The following PCDH15 variants were observed in gnomAD, a reference collection of about 807,000 sequenced individuals.
PCDH15 encodes protocadherin related 15.
PCDH15 carries 129 observed loss-of-function variants against 178.5 expected under a neutral mutation model. That is an observed-to-expected ratio of 0.72 (90% CI 0.63 to 0.84). The LOEUF (loss-of-function observed/expected upper bound fraction) is 0.84. PCDH15 is among the 40% of genes least tolerant of loss of function. The probability of loss-of-function intolerance (pLI) is 0.00; values close to 1 mark genes in which losing one functional copy is unlikely to be tolerated. For synonymous variants in PCDH15, 800 were observed against 732.0 expected (o/e 1.09, Z -1.50); for missense variants, 2,230 against 2,099.9 (o/e 1.06, Z -1.21).
chr10:54,786,862 C>T (rs1262923391), intron 1 of PCDH15, among the ~76,000 whole-genome samples: 5 of 151,040 alleles, frequency 3.3e-5, no homozygotes, highest in Non-Finnish European at 7.4e-5. Context: ...TATGGCAGGT[C>T]TTCATATTAT....
chr10:54,990,492 T>C (rs1158698787), intron 2 of PCDH15, among the ~76,000 whole-genome samples: 1 of 152,222 alleles, frequency 6.6e-6, no homozygotes, highest in East Asian at 1.9e-4. Flanking sequence ...TCTAGCTATT[T>C]TTCTCTATTT....
intron 1 of PCDH15, among the ~76,000 whole-genome samples, chr10:54,757,750 G>C (rs11004553): frequency 0.14 from 21,690 of 152,158 alleles, 1,671 homozygotes; most frequent in Middle Eastern, 0.21. Context: ...CAGAGAGAGA[G>C]AGAAGGGCTC....
At chr10:54,827,987 G>T (rs1953159236) in intron 3 of PCDH15, among the ~76,000 whole-genome samples, 1 of 151,934 alleles carries the variant, frequency 6.6e-6, no homozygotes, top group African/African-American at 2.4e-5. Context: ...GCAATCTTAT[G>T]CTATATACAA....
intron 17 of PCDH15, among the ~76,000 whole-genome samples, chr10:54,078,627 A>C (rs900361535): frequency 2.0e-5 from 3 of 152,154 alleles, no homozygotes; most frequent in African/African-American, 7.2e-5. Context: ...ATGGCATAGA[A>C]ATGGTGAAAA....
intron 2 of PCDH15, among the ~76,000 whole-genome samples, chr10:55,506,745 A>G (rs1840768092): frequency 6.6e-6 from 1 of 151,628 alleles, no homozygotes; most frequent in South Asian, 2.1e-4. Flanking sequence ...TATACAGAAT[A>G]TAATATCTCA....
intron 1 of PCDH15, among the ~76,000 whole-genome samples, chr10:54,706,467 A>C (rs993481435): frequency 1.3e-5 from 2 of 152,152 alleles, no homozygotes; most frequent in African/African-American, 4.8e-5. Context: ...AGATTATCCT[A>C]GTAGATAAAA....
In PCDH15 at chr10:54,722,185, C is replaced by A. The variant is rs1442291319; in HGVS notation, c.-28-57895G>T. 7.3e-5 allele frequency among the ~76,000 whole-genome samples: 11 copies of A among 151,696 alleles called. 1 individual carries two copies. The highest frequency in any genetic ancestry group is 7.2e-4 in the Admixed American group (11 of 15,190). On this transcript the variant is annotated intron_variant, in intron 1 of 37. Coordinates refer to ENST00000644397, the MANE Select transcript of PCDH15 (RefSeq NM_001384140.1). ...TCAACACCCCTTTATGATGAAAACC[C>A]TCAACAAATTAAACATTGAGAAACA...
chr10:55,373,135 G>A (rs1350030311), intron 2 of PCDH15, among the ~76,000 whole-genome samples: 1 of 152,096 alleles, frequency 6.6e-6, no homozygotes, highest in African/African-American at 2.4e-5. Context: ...AAATAACTAT[G>A]TTGAAAATTC....
At chr10:54,723,429 A>G (rs1941972745) in intron 1 of PCDH15, among the ~76,000 whole-genome samples, 1 of 151,720 alleles carries the variant, frequency 6.6e-6, no homozygotes, top group South Asian at 2.1e-4. Flanking sequence ...ACATAAGACC[A>G]GAAACTATAA....
At chr10:55,056,759 A>T (rs987706485) in intron 2 of PCDH15, among the ~76,000 whole-genome samples, 2 of 151,548 alleles carry the variant, frequency 1.3e-5, no homozygotes, top group Non-Finnish European at 2.9e-5. Context: ...CAGCCTCCCG[A>T]GTAGCTGGGA....
intron 2 of PCDH15, among the ~76,000 whole-genome samples, chr10:54,637,403 C>T (rs558545279): frequency 1.1e-4 from 17 of 152,064 alleles, no homozygotes; most frequent in African/African-American, 4.1e-4. Context: ...AGGACTATAT[C>T]CCTTCTGTAG....
At chr10:55,441,433 A>T (rs1839181745) in intron 2 of PCDH15, among the ~76,000 whole-genome samples, 2 of 146,894 alleles carry the variant, frequency 1.4e-5, no homozygotes, top group Non-Finnish European at 3.0e-5. Context: ...TAAAACAACA[A>T]ATTTGAAAGA....
chr10:54,489,600 C>T (rs867729245), intron 3 of PCDH15, among the ~76,000 whole-genome samples: 5 of 151,928 alleles, frequency 3.3e-5, no homozygotes, highest in Middle Eastern at 3.4e-3. Context: ...ATACATACAT[C>T]ATACACACAT....
At chr10:53,867,442 C>T (rs2079537001) in intron 26 of PCDH15, among the ~76,000 whole-genome samples, 1 of 151,962 alleles carries the variant, frequency 6.6e-6, no homozygotes, top group Non-Finnish European at 1.5e-5. Flanking sequence ...TGCTAATTAC[C>T]CTGATTTGAT....
intron 2 of PCDH15, among the ~76,000 whole-genome samples, chr10:55,477,403 G>T (rs931763290): frequency 1.2e-4 from 18 of 151,840 alleles, no homozygotes; most frequent in African/African-American, 4.1e-4. Context: ...GTAAGGACAA[G>T]GATTTGTGAA....
intron 26 of PCDH15, among the ~76,000 whole-genome samples, chr10:53,902,870 C>A (rs1490366788): frequency 6.6e-6 from 1 of 151,876 alleles, no homozygotes; most frequent in African/African-American, 2.4e-5. Flanking sequence ...TTAATTTATT[C>A]CACTATTTCT....
At chr10:54,605,858 A>C (rs1335790618) in intron 2 of PCDH15, 1 of 152,100 alleles carries the variant, frequency 6.6e-6, no homozygotes, top group Non-Finnish European at 1.5e-5. Context: ...TCTCATAGAC[A>C]CGTCAGTTGA....
rs1183422145 is a variant in PCDH15 at position 54,924,031 on chromosome 10, A to G, written c.-79-26531T>C. 3.6e-5 allele frequency among the ~76,000 whole-genome samples: 5 copies of G among 137,664 alleles called. 2 individuals are homozygous for G. The highest frequency in any genetic ancestry group is 8.5e-5 in the Non-Finnish European group (5 of 59,028). 90.3% of individuals were successfully genotyped at this position (137,664 alleles called of 152,430 possible). Reference sequence around the variant, plus strand: ...ACTGGTCCTTTATATAAAAAAAGAGAGTGAAATTTAACTCACATATCTACA... The same window carrying G: ...ACTGGTCCTTTATATAAAAAAAGAGGGTGAAATTTAACTCACATATCTACA... On this transcript the variant is annotated intron_variant, in intron 2 of 5. Transcript: ENST00000458638.
intron 2 of PCDH15, among the ~76,000 whole-genome samples, chr10:55,153,674 G>A (rs1399575380): frequency 6.6e-6 from 1 of 151,994 alleles, no homozygotes; most frequent in Non-Finnish European, 1.5e-5. Context: ...TAGGTTTAAG[G>A]GCATCAAATA....
Sources: allele counts gnomAD v4.1 joint callset (sites outside exome capture counted in the v4.1 genomes callset), GRCh38; gene constraint gnomAD v4.1.1; transcripts MANE v1.5; gene names NCBI Gene and HGNC (gene_info 2026-07-23, HGNC 2026-07-21).